SLC14A1: variants seen among roughly 807,000 people sequenced by gnomAD.
SLC14A1 encodes the protein solute carrier family 14 member 1 (Kidd blood group).
SLC14A1 carries 36 observed loss-of-function variants against 39.6 expected under a neutral mutation model. The ratio of observed to expected loss-of-function variants is 0.91; its 90% CI spans 0.70 to 1.20. The LOEUF (loss-of-function observed/expected upper bound fraction) is 1.20. SLC14A1 is among the 50% of genes most tolerant of loss of function. The pLI is 0.00. For synonymous variants in SLC14A1, 164 were observed against 173.6 expected (o/e 0.94, Z 0.43); for missense variants, 469 against 478.7 (o/e 0.98, Z 0.19).
rs1394855685 is a variant in SLC14A1 at position 45,730,423 on chromosome 18, C to G, written c.103C>G (p.Leu35Val). The change falls in exon 3 of 10, where the codon CTT (leucine) becomes GTT (valine). Residue 35 changes from leucine to valine, a missense_variant. Physicochemically the swap from Leu to Val is conservative, Grantham distance 32. Transcript: ENST00000321925. ...AGGGAGAAGGTGCTTCCCCAAAGCTCTTGGCTATGTCACCGGTGACATGAA... is the reference window on the plus strand; with the variant it reads ...AGGGAGAAGGTGCTTCCCCAAAGCTGTTGGCTATGTCACCGGTGACATGAA... ...CQGRRCFPKA[L>V]GYVTGDMKEL... 2.5e-6 allele frequency: 4 copies of G among 1,614,058 alleles called. No homozygotes were observed. Among genetic ancestry groups the G allele is most frequent in the Non-Finnish European group, 3.4e-6 (4 of 1,180,032 alleles).
chr18:45,740,278 A>T (rs2047328691), intron 8 of SLC14A1, among the ~76,000 whole-genome samples: 1 of 152,234 alleles, frequency 6.6e-6, no homozygotes, highest in Admixed American at 6.5e-5. Flanking sequence ...ATCAGGGTTG[A>T]TTACATTTAC....
Position 45,749,970 on chromosome 18 carries a change from G to T in SLC14A1, c.*19G>T, listed in dbSNP as rs763903232. The T allele has an allele frequency of 6.2e-7, 1 of 1,614,170 alleles. No individual in the cohort carries two copies. The highest frequency in any genetic ancestry group is 1.7e-5 in the Admixed American group (1 of 60,028). Reference sequence around the variant, plus strand: ...TTTGTGAGAACAAGCCCCATTTGCAGCCATGGTCACGAGTCATTTCTGCCT... The same window carrying T: ...TTTGTGAGAACAAGCCCCATTTGCATCCATGGTCACGAGTCATTTCTGCCT... On this transcript the variant is annotated 3_prime_UTR_variant, in exon 10 of 10. Coordinates refer to ENST00000321925, the MANE Select transcript of SLC14A1 (RefSeq NM_015865.7).
chr18:45,749,424 G>A (rs954390250), intron 9 of SLC14A1, among the ~76,000 whole-genome samples: 3 of 152,138 alleles, frequency 2.0e-5, no homozygotes, highest in Admixed American at 2.0e-4. Context: ...GGACTAATCA[G>A]AGAAGGCCTT....
At chr18:45,739,792 T>C in intron 8 of SLC14A1, 130 bp downstream of exon 8, 6 of 1,184,376 alleles carry the variant, frequency 5.1e-6, no homozygotes, top group Non-Finnish European at 7.4e-6. Context: ...GCTGTCTAAG[T>C]GTGTGAACAG....
intron 4 of SLC14A1, 71 bp from the exon 5 acceptor site, chr18:45,734,203 A>AGTGTTATT: frequency 6.4e-7 from 1 of 1,571,012 alleles, no homozygotes; most frequent in Non-Finnish European, 8.8e-7. Flanking sequence ...GGAAGTTACT[A>AGTGTTATT]GTGTTATTTA....
intron 5 of SLC14A1, among the ~76,000 whole-genome samples, chr18:45,735,145 G>A (rs1011734126): frequency 1.3e-4 from 20 of 152,138 alleles, no homozygotes; most frequent in Admixed American, 9.8e-4. Flanking sequence ...ATTGGTCTGC[G>A]GTAGCGCCTG....
chr18:45,745,567 CAA>C (rs1235788265), intron 8 of SLC14A1, among the ~76,000 whole-genome samples: 2 of 152,192 alleles, frequency 1.3e-5, no homozygotes, highest in African/African-American at 4.8e-5. Flanking sequence ...GAAATCATTA[CAA>C]AGAGTCCTGA....
intron 9 of SLC14A1, among the ~76,000 whole-genome samples, chr18:45,749,345 G>A (rs17142): frequency 0.26 from 39,684 of 151,886 alleles, 6,638 homozygotes; most frequent in Middle Eastern, 0.38. Context: ...AGAATGGAAA[G>A]AAACAAAGCA....
Position 45,731,155 on chromosome 18 carries a change from CTGGGAACAG to C in SLC14A1, c.296_304del (p.Gly99_Val101del). On this transcript the variant is annotated inframe_deletion, in exon 4 of 10. Transcript: ENST00000321925. ...CCCCTGGTGGGCTCTCACTGGCTGG[CTGGGAACAG>C]TGGTCTCCACTCTGATGGCCCTCTT... is the stretch of plus-strand genomic sequence containing the variant. The C allele has an allele frequency of 6.2e-7, 1 of 1,614,130 alleles. No homozygotes were observed. Among genetic ancestry groups the C allele is most frequent in the Non-Finnish European group, 8.5e-7 (1 of 1,180,024 alleles).
At chr18:45,724,459 C>T (rs2046810028) in intron 1 of SLC14A1, among the ~76,000 whole-genome samples, 186 bp downstream of exon 1, 1 of 152,214 alleles carries the variant, frequency 6.6e-6, no homozygotes, top group Non-Finnish European at 1.5e-5. Context: ...CAGGCTTCTT[C>T]CTGGAAGCTC....
At chr18:45,748,242 A>T in intron 8 of SLC14A1, 134 bp from the exon 9 acceptor site, 1 of 914,632 alleles carries the variant, frequency 1.1e-6, no homozygotes, top group Non-Finnish European at 1.8e-6. Context: ...TGAACCCAGG[A>T]CTGCTGACTT....
At position 45,751,870 on chromosome 18, in the gene SLC14A1, T is replaced by C. The variant is rs2047720188; in HGVS notation, c.*1919T>C. 3 of 985,048 alleles carry C rather than the reference T, an allele frequency of 3.0e-6. No individual in the cohort carries two copies. The South Asian group carries it at 1.4e-4, about 46-fold the overall frequency. The allele number at this position is 985,048 out of a possible 1,614,324, so 61.0% of individuals were successfully genotyped here. On this transcript the variant is annotated 3_prime_UTR_variant, in exon 10 of 10. Coordinates refer to ENST00000321925, the MANE Select transcript of SLC14A1 (RefSeq NM_015865.7). ...ACTTCAGTGTGTATCGTGTAGTATTTTGGAGGTTGGAAAGTGAAACGTAGG... is the reference window on the plus strand; with the variant it reads ...ACTTCAGTGTGTATCGTGTAGTATTCTGGAGGTTGGAAAGTGAAACGTAGG...
intron 4 of SLC14A1, 106 bp downstream of exon 4, chr18:45,731,310 C>T (rs541182989): frequency 4.6e-6 from 5 of 1,076,234 alleles, no homozygotes; most frequent in Non-Finnish European, 5.7e-6. Context: ...GGATAAACAA[C>T]ATTTAGTCCA....
At chr18:45,727,060 CTT>C (rs1476626079) in intron 2 of SLC14A1, 1 of 538,428 alleles carries the variant, frequency 1.9e-6, no homozygotes, top group Non-Finnish European at 3.3e-6. Flanking sequence ...CAGCTGCTGT[CTT>C]TCTGCCCACT....
chr18:45,730,866 T>G, intron 3 of SLC14A1, 149 bp from the exon 4 acceptor site: 1 of 749,890 alleles, frequency 1.3e-6, no homozygotes, highest in Non-Finnish European at 2.3e-6. Context: ...GTGCCACTAA[T>G]GCAACAATGG....
rs2047673786 is a variant in SLC14A1 at position 45,750,354 on chromosome 18, TCA to T, written c.*406_*407del. 3 of 1,070,166 alleles carry T rather than the reference TCA, an allele frequency of 2.8e-6. No homozygotes were observed. The highest frequency in any genetic ancestry group is 9.9e-5 in the Admixed American group (2 of 20,274). 66.3% of individuals were successfully genotyped at this position (1,070,166 alleles called of 1,614,324 possible). A position where few individuals can be genotyped will look rare whatever the true frequency, so the allele number is the denominator to read the frequency against. On this transcript the variant is annotated 3_prime_UTR_variant, in exon 10 of 10. Transcript: ENST00000321925. ...ATAAACCAACTAAGCCTTATGGAAT[TCA>T]CAGTCACAAAATCGAAGTTAATCCA... is the stretch of plus-strand genomic sequence containing the variant.
Position 45,739,629 on chromosome 18 carries a change from A to ACCTGGCAAACCCACCT in SLC14A1, c.920_935dup (p.Leu313AsnfsTer25). 4 of 1,614,094 alleles carry ACCTGGCAAACCCACCT rather than the reference A, an allele frequency of 2.5e-6. No homozygotes were observed. Among genetic ancestry groups the ACCTGGCAAACCCACCT allele is most frequent in the Non-Finnish European group, 3.4e-6 (4 of 1,180,028 alleles). ...AATGGGAGGAATGTTCATGGCGCTCACCTGGCAAACCCACCTCCTGGCTCT... is the reference window on the plus strand; with the variant it reads ...AATGGGAGGAATGTTCATGGCGCTCACCTGGCAAACCCACCTCCTGGCAAACCCACCTCCTGGCTCT... On this transcript the variant is annotated frameshift_variant, in exon 8 of 10. Coordinates refer to ENST00000321925, the MANE Select transcript of SLC14A1 (RefSeq NM_015865.7). LOFTEE classifies it high-confidence loss of function.
Position 45,731,130 on chromosome 18 carries a change from C to A in SLC14A1, c.267C>A (p.Asn89Lys), listed in dbSNP as rs552716005. 39 of 1,614,026 alleles carry A rather than the reference C, an allele frequency of 2.4e-5. No homozygotes were observed. The Admixed American group carries it at 6.3e-4, about 26-fold the overall frequency. The change falls in exon 4 of 10, where the codon AAC becomes AAA. Residue 89 changes from asparagine (N) to lysine (K), a missense_variant. Asn to Lys is a moderately conservative substitution (Grantham distance 94, BLOSUM62 0). Transcript: ENST00000321925. ...TTCTGGTAGGACTTCTTGTTCAGAA[C>A]CCCTGGTGGGCTCTCACTGGCTGGC... ...ILILVGLLVQ[N>K]PWWALTGWLG...
chr18:45,725,276 G>T (rs1185998232), intron 2 of SLC14A1, among the ~76,000 whole-genome samples: 1 of 152,176 alleles, frequency 6.6e-6, no homozygotes, highest in Non-Finnish European at 1.5e-5. Context: ...GTATTAAAAT[G>T]CTAAGCACTG....
Sources: allele counts gnomAD v4.1 joint callset (sites outside exome capture counted in the v4.1 genomes callset), GRCh38; gene constraint gnomAD v4.1.1; transcripts MANE v1.5; gene names NCBI Gene and HGNC (gene_info 2026-07-23, HGNC 2026-07-21).